The following PRICKLE2 variants were observed in gnomAD, a reference collection of about 807,000 sequenced individuals.
PRICKLE2 encodes the protein prickle planar cell polarity protein 2, also known as prickle-like protein 2.
PRICKLE2 carries 21 observed loss-of-function variants against 81.4 expected under a neutral mutation model. The ratio of observed to expected loss-of-function variants is 0.26; its 90% CI spans 0.18 to 0.37. PRICKLE2 has a LOEUF of 0.37. Ranked by LOEUF, PRICKLE2 falls within the 10% of genes least tolerant of loss-of-function variation. The probability of loss-of-function intolerance (pLI) is 1.00; values close to 1 mark genes in which losing one functional copy is unlikely to be tolerated. For synonymous variants in PRICKLE2, 456 were observed against 421.5 expected (o/e 1.08, Z -1.00); for missense variants, 940 against 1,109.0 (o/e 0.85, Z 2.16).
At position 64,198,974 on chromosome 3, in the gene PRICKLE2, G is replaced by T. The variant is rs200933819; in HGVS notation, c.-40-7C>A. The T allele has an allele frequency of 4.3e-6, 7 of 1,613,190 alleles. No individual in the cohort carries two copies. The Admixed American group carries it at 1.2e-4, about 27-fold the overall frequency. Reference sequence around the variant, plus strand: ...GCAGTGCAGGCAGATCTTCCTGCAGGCAGTAAAGGTAGAAGGTGAGAAAGA... The same window carrying T: ...GCAGTGCAGGCAGATCTTCCTGCAGTCAGTAAAGGTAGAAGGTGAGAAAGA... On this transcript the variant is annotated splice_region_variant and splice_polypyrimidine_tract_variant and intron_variant, in intron 1 of 7. Transcript: ENST00000638394.
chr3:64,218,125 C>G (rs561526659), intron 1 of PRICKLE2, among the ~76,000 whole-genome samples: 4 of 152,260 alleles, frequency 2.6e-5, no homozygotes, highest in African/African-American at 7.2e-5. Context: ...TTAAAATAGC[C>G]AAAACCTCAG....
At chr3:64,162,342 T>G (rs533104771) in intron 3 of PRICKLE2, among the ~76,000 whole-genome samples, 2 of 152,198 alleles carry the variant, frequency 1.3e-5, no homozygotes, top group Non-Finnish European at 2.9e-5. Context: ...CCTTCCAGCA[T>G]AATGATCTTT....
intron 2 of PRICKLE2, among the ~76,000 whole-genome samples, chr3:64,249,233 G>C (rs2079405612): frequency 6.6e-6 from 1 of 151,938 alleles, no homozygotes; most frequent in Non-Finnish European, 1.5e-5. Flanking sequence ...CCATGGCAGA[G>C]GAGGAAAGAA....
At chr3:64,100,449 T>C (rs1439743459) in intron 7 of PRICKLE2, 2 of 158,680 alleles carry the variant, frequency 1.3e-5, no homozygotes, top group Non-Finnish European at 2.8e-5. Flanking sequence ...CTTTGCCTGC[T>C]GTCCCTAAGT....
intron 7 of PRICKLE2, among the ~76,000 whole-genome samples, chr3:64,135,714 A>G (rs201528320): frequency 7.6e-6 from 1 of 130,940 alleles, no homozygotes; most frequent in African/African-American, 2.6e-5. Flanking sequence ...ACACACACAC[A>G]CACACACACG....
intron 2 of PRICKLE2, among the ~76,000 whole-genome samples, chr3:64,185,778 C>A (rs1355124286): frequency 6.6e-6 from 1 of 152,196 alleles, no homozygotes; most frequent in Non-Finnish European, 1.5e-5. Context: ...TATTCCATCA[C>A]TTTATCGAGG....
intron 3 of PRICKLE2, among the ~76,000 whole-genome samples, chr3:64,161,138 T>C (rs1001380877): frequency 3.3e-5 from 5 of 152,176 alleles, no homozygotes. Context: ...ATGAGACACC[T>C]GCTAGCACTA....
chr3:64,099,391 A>G lies in PRICKLE2; in HGVS notation c.2195T>C (p.Phe732Ser). The G allele has an allele frequency of 6.2e-7, 1 of 1,604,102 alleles. No individual in the cohort carries two copies. The highest frequency in any genetic ancestry group is 1.7e-4 in the Middle Eastern group (1 of 6,014). The change falls in exon 8 of 8, where the codon TTC (phenylalanine) becomes TCC (serine). Residue 732 changes from phenylalanine to serine, a missense_variant. Physicochemically the swap from Phe to Ser is radical, Grantham distance 155. This residue lies in a region of PRICKLE2 where 670 missense variants were observed against 717.2 expected (regional missense o/e 0.93). Coordinates refer to ENST00000638394, the MANE Select transcript of PRICKLE2 (RefSeq NM_198859.4). The surrounding 1 kb of genome is among the most constrained non-coding windows in gnomAD (Gnocchi z 4.3). ...DYDQFMRQRS[F>S]QESMGHGSRR... is the part of the protein sequence containing the mutation. ...GGACCCATGCCCCATGCTCTCCTGG[A>G]AGCTCCGCTGGCGCATAAATTGGTC...
intron 7 of PRICKLE2, among the ~76,000 whole-genome samples, chr3:64,131,698 AACAGTAGTAAG>A (rs1374929982): frequency 6.6e-6 from 1 of 152,244 alleles, no homozygotes; most frequent in Admixed American, 6.5e-5. Flanking sequence ...CAATAGAAAG[AACAGTAGTAAG>A]AGTTCACAGA....
intron 7 of PRICKLE2, among the ~76,000 whole-genome samples, chr3:64,106,465 A>G (rs2076757278): frequency 1.3e-5 from 2 of 152,242 alleles, no homozygotes; most frequent in Admixed American, 1.3e-4. Context: ...CAGGCAAACA[A>G]ATATCATTGA....
At chr3:64,182,572 C>T (rs929659628) in intron 2 of PRICKLE2, 3 of 152,090 alleles carry the variant, frequency 2.0e-5, no homozygotes, top group African/African-American at 7.2e-5. Flanking sequence ...GACACATTCC[C>T]TCTTTTGCCC....
At chr3:64,196,824 T>C (rs960564537) in intron 2 of PRICKLE2, among the ~76,000 whole-genome samples, 3 of 152,178 alleles carry the variant, frequency 2.0e-5, no homozygotes, top group Admixed American at 6.5e-5. Flanking sequence ...TCAAGTTTTG[T>C]TTTGTCTAAA....
chr3:64,157,905 T>C (rs546129227), intron 4 of PRICKLE2, among the ~76,000 whole-genome samples: 4 of 152,366 alleles, frequency 2.6e-5, no homozygotes, highest in African/African-American at 9.6e-5. Context: ...CTGCTTCCTC[T>C]AACATCTTTC....
intron 2 of PRICKLE2, among the ~76,000 whole-genome samples, chr3:64,267,243 C>G (rs1225734234): frequency 1.3e-5 from 2 of 152,112 alleles, no homozygotes; most frequent in Non-Finnish European, 2.9e-5. Context: ...ATACACTCCC[C>G]CATGTAGAGC....
intron 7 of PRICKLE2, among the ~76,000 whole-genome samples, chr3:64,132,761 ACCAGCATG>A (rs2077215842): frequency 1.3e-5 from 2 of 152,236 alleles, no homozygotes; most frequent in Non-Finnish European, 2.9e-5. Context: ...GGGGTAGCCC[ACCAGCATG>A]GCCCCCTCTT....
intron 2 of PRICKLE2, among the ~76,000 whole-genome samples, chr3:64,184,994 G>T (rs1170947067): frequency 6.6e-6 from 1 of 152,136 alleles, no homozygotes; most frequent in Non-Finnish European, 1.5e-5. Flanking sequence ...TTTTTCCCTG[G>T]TTGCCTCTCT....
chr3:64,099,299 C>T lies in PRICKLE2; in HGVS notation c.2287G>A (p.Asp763Asn), dbSNP rs1333816843. ...TCGGCGAAGTAGGGTCCCCAGCGGT[C>T]CCCAAAGGCATTCTGCAAAGCCAGG... Reference protein sequence around the residue: ...SDLALQNAFGDRWGPYFAEYD... With the variant: ...SDLALQNAFGNRWGPYFAEYD... Residue 763 changes from aspartate to asparagine, a missense_variant, in exon 8 of 8, where the codon GAC becomes AAC. By Grantham distance (23) the Asp-to-Asn change is conservative. Transcript: ENST00000638394. The surrounding 1 kb of genome is among the most constrained non-coding windows in gnomAD (Gnocchi z 4.3). 2 of 1,614,102 alleles carry T rather than the reference C, an allele frequency of 1.2e-6. No individual in the cohort carries two copies. Among genetic ancestry groups the T allele is most frequent in the Non-Finnish European group, 8.5e-7 (1 of 1,180,048 alleles).
chr3:64,235,842 G>A (rs772035456), intron 2 of PRICKLE2, among the ~76,000 whole-genome samples: 14 of 152,154 alleles, frequency 9.2e-5, no homozygotes, highest in South Asian at 2.1e-4. Context: ...AGCATAGCCC[G>A]AGACTAGAAG....
chr3:64,118,204 A>G (rs2076968952), intron 7 of PRICKLE2, among the ~76,000 whole-genome samples: 1 of 152,222 alleles, frequency 6.6e-6, no homozygotes, highest in South Asian at 2.1e-4. Flanking sequence ...CTCAAGATGG[A>G]TTAAAGACTT....
Sources: gnomAD v4.1 joint callset for allele counts (sites outside exome capture counted in the v4.1 genomes callset) on GRCh38, gnomAD v4.1.1 for gene constraint, gnomAD v4.1.1 regional missense constraint, Gnocchi (gnomAD v3.1) non-coding constraint, MANE v1.5 for transcripts, NCBI Gene and HGNC (gene_info 2026-07-23, HGNC 2026-07-21) for gene names.